KCNU1: variants seen among roughly 807,000 people sequenced by gnomAD.
KCNU1 encodes the protein potassium channel subfamily U member 1.
In KCNU1, 93 loss-of-function variants were observed where a neutral mutation model predicts 126.8. The ratio of observed to expected loss-of-function variants is 0.73; its 90% CI spans 0.62 to 0.87. KCNU1 has a LOEUF of 0.87. KCNU1 is among the 40% of genes least tolerant of loss of function. The probability of loss-of-function intolerance (pLI) is 0.00; values close to 1 mark genes in which losing one functional copy is unlikely to be tolerated. For missense variants in KCNU1, 1,330 were observed against 1,367.1 expected (o/e 0.97, Z 0.43); for synonymous variants, 523 against 494.2 (o/e 1.06, Z -0.77).
chr8:36,791,066 C>T (rs1425468492), intron 2 of KCNU1, among the ~76,000 whole-genome samples: 1 of 150,132 alleles, frequency 6.7e-6, no homozygotes, highest in Non-Finnish European at 1.5e-5. Context: ...GGAACTCCAA[C>T]AGTCAAATAA....
At chr8:36,882,156 C>T (rs1409132201) in intron 19 of KCNU1, among the ~76,000 whole-genome samples, 1 of 152,164 alleles carries the variant, frequency 6.6e-6, no homozygotes, top group Non-Finnish European at 1.5e-5. Context: ...TCCGAAAGCA[C>T]CTTTCATATG....
chr8:36,893,489 T>G (rs1347524905), intron 19 of KCNU1, among the ~76,000 whole-genome samples: 1 of 152,106 alleles, frequency 6.6e-6, no homozygotes, highest in African/African-American at 2.4e-5. Context: ...AGGGAGCTGC[T>G]AGAAAGCTCA....
chr8:36,836,201 C>A, intron 12 of KCNU1, 95 bp from the exon 13 acceptor site: 3 of 786,150 alleles, frequency 3.8e-6, no homozygotes, highest in Non-Finnish European at 6.4e-6. Context: ...TTTTTCTACA[C>A]TTACCTACAT....
rs1040327406 is a variant in KCNU1 at position 36,807,925 on chromosome 8, T to C, written c.656+475T>C. On this transcript the variant is annotated intron_variant, in intron 6 of 26. Transcript: ENST00000399881. ...TATTGCTTGCAGAAATATAGCCACCTAAGTATTTCCAGACAATAAGAACAC... is the reference window on the plus strand; with the variant it reads ...TATTGCTTGCAGAAATATAGCCACCCAAGTATTTCCAGACAATAAGAACAC... Among the ~76,000 whole-genome samples the C allele has an allele frequency of 3.9e-5, 6 of 152,284 alleles. No homozygotes were observed. In the South Asian group the frequency reaches 1.2e-3, roughly 32 times the overall value.
intron 18 of KCNU1, 38 bp downstream of exon 18, chr8:36,845,937 C>A: frequency 1.7e-6 from 2 of 1,177,382 alleles, no homozygotes; most frequent in Non-Finnish European, 1.2e-6. Flanking sequence ...TTAGCCCAGC[C>A]TCTAGGGAGC....
intron 2 of KCNU1, among the ~76,000 whole-genome samples, chr8:36,788,985 CTG>C (rs953054711): frequency 6.6e-6 from 1 of 152,084 alleles, no homozygotes; most frequent in African/African-American, 2.4e-5. Context: ...TGAAGGGAAA[CTG>C]TATTATTTTA....
intron 19 of KCNU1, among the ~76,000 whole-genome samples, chr8:36,892,297 T>C (rs1406587584): frequency 6.6e-6 from 1 of 152,180 alleles, no homozygotes; most frequent in Non-Finnish European, 1.5e-5. Context: ...AACTCCAGAA[T>C]TTCCATTTGT....
chr8:36,876,029 C>T (rs997269132), intron 19 of KCNU1, among the ~76,000 whole-genome samples: 1 of 152,084 alleles, frequency 6.6e-6, no homozygotes, highest in Non-Finnish European at 1.5e-5. Context: ...AGAGATAGCC[C>T]AGAGGCAAAA....
At chr8:36,912,033 A>G (rs747930382) in intron 22 of KCNU1, among the ~76,000 whole-genome samples, 4 of 152,214 alleles carry the variant, frequency 2.6e-5, no homozygotes, top group Non-Finnish European at 5.9e-5. Flanking sequence ...AAATAAAAGT[A>G]AGTCATGACT....
chr8:36,871,237 G>A (rs1182909084), intron 19 of KCNU1, among the ~76,000 whole-genome samples: 1 of 152,026 alleles, frequency 6.6e-6, no homozygotes, highest in Non-Finnish European at 1.5e-5. Context: ...GAAAGAGTTA[G>A]GGTGGCAGGG....
At chr8:36,928,279 C>T (rs1026626164) in intron 24 of KCNU1, among the ~76,000 whole-genome samples, 1 of 152,068 alleles carries the variant, frequency 6.6e-6, no homozygotes, top group African/African-American at 2.4e-5. Context: ...GCTATTGATA[C>T]CAGGATAACC....
chr8:36,916,215 G>A (rs1051137450), intron 22 of KCNU1, among the ~76,000 whole-genome samples: 6 of 145,482 alleles, frequency 4.1e-5, no homozygotes, highest in African/African-American at 1.5e-4. Flanking sequence ...GAGAGGGAAG[G>A]GAAGGAAAGG....
Position 36,931,727 on chromosome 8 carries a change from C to T in KCNU1, c.2931+582C>T, listed in dbSNP as rs796364536. Among the ~76,000 whole-genome samples, 6 of 152,136 alleles carry T rather than the reference C, an allele frequency of 3.9e-5. 1 individual carries two copies. Among genetic ancestry groups the T allele is most frequent in the African/African-American group, 1.4e-4 (6 of 41,542 alleles). ...CCTATACTTAAAATGCTAAAGAAAT[C>T]TGATAAGGTCAGCTGAAATCAGGCA... On this transcript the variant is annotated intron_variant, in intron 25 of 26. Transcript: ENST00000399881.
chr8:36,812,280 T>C (rs1389754900), intron 7 of KCNU1, among the ~76,000 whole-genome samples: 4 of 149,984 alleles, frequency 2.7e-5, no homozygotes, highest in South Asian at 4.2e-4. Flanking sequence ...CTCAGGAGGC[T>C]GAGGCAAGAG....
At chr8:36,785,499 A>C (rs976332973) in intron 1 of KCNU1, among the ~76,000 whole-genome samples, 2 of 152,242 alleles carry the variant, frequency 1.3e-5, no homozygotes, top group African/African-American at 2.4e-5. Context: ...ATAAATTGAT[A>C]AGTTTTTAAA....
At chr8:36,789,036 G>A (rs1378073463) in intron 2 of KCNU1, among the ~76,000 whole-genome samples, 1 of 152,144 alleles carries the variant, frequency 6.6e-6, no homozygotes, top group African/African-American at 2.4e-5. Flanking sequence ...GGAACAGCAG[G>A]AGGCAAGGAG....
intron 24 of KCNU1, among the ~76,000 whole-genome samples, chr8:36,926,769 A>G (rs1808547703): frequency 6.6e-6 from 1 of 152,104 alleles, no homozygotes; most frequent in Admixed American, 6.6e-5. Context: ...ATGCACTGAG[A>G]GATCTGCGTC....
intron 10 of KCNU1, among the ~76,000 whole-genome samples, chr8:36,825,684 C>A (rs751730384): frequency 1.3e-5 from 2 of 152,134 alleles, no homozygotes; most frequent in Non-Finnish European, 1.5e-5. Flanking sequence ...TCTCATCTCC[C>A]AACCCCTAAA....
rs568485860 is a variant in KCNU1 at position 36,800,312 on chromosome 8, A to G, written c.316-3715A>G. On this transcript the variant is annotated intron_variant, in intron 2 of 26. Transcript: ENST00000399881. ...TGAAGACCCCCCACAACTATCCTGT[A>G]ACTAAACAGGTTTTTTTAGATCCCA... 6.6e-5 allele frequency among the ~76,000 whole-genome samples: 10 copies of G among 152,152 alleles called. No homozygotes were observed. In the South Asian group the frequency reaches 8.3e-4, roughly 13 times the overall value.
Sources: gnomAD v4.1 joint callset for allele counts (sites outside exome capture counted in the v4.1 genomes callset) on GRCh38, gnomAD v4.1.1 for gene constraint, MANE v1.5 for transcripts, NCBI Gene and HGNC (gene_info 2026-07-23, HGNC 2026-07-21) for gene names.